LTBP1: variants seen among roughly 807,000 people sequenced by gnomAD.
LTBP1 encodes the protein latent transforming growth factor beta binding protein 1, also known as latent-transforming growth factor beta-binding protein 1.
LTBP1 carries 129 observed loss-of-function variants against 207.6 expected under a neutral mutation model. The observed-to-expected ratio is 0.62, with a 90% CI of 0.54 to 0.72. The LOEUF is 0.72. Ranked by LOEUF, LTBP1 falls within the 30% of genes least tolerant of loss-of-function variation. The probability of loss-of-function intolerance (pLI) is 0.00; values close to 1 mark genes in which losing one functional copy is unlikely to be tolerated. For missense variants in LTBP1, 2,281 were observed against 2,217.2 expected (o/e 1.03, Z -0.58); for synonymous variants, 963 against 833.7 (o/e 1.16, Z -2.67).
intron 24 of LTBP1, among the ~76,000 whole-genome samples, chr2:33,333,299 TTG>T (rs1181972797): frequency 6.6e-6 from 1 of 152,206 alleles, no homozygotes; most frequent in African/African-American, 2.4e-5. Flanking sequence ...AGTCTTCTAT[TTG>T]ATTTAATTCA....
chr2:33,336,180 G>A (rs1055202635), intron 24 of LTBP1, among the ~76,000 whole-genome samples: 1 of 152,236 alleles, frequency 6.6e-6, no homozygotes, highest in Non-Finnish European at 1.5e-5. Context: ...GCCAGTAGGT[G>A]ATGAGTCAAA....
intron 4 of LTBP1, among the ~76,000 whole-genome samples, chr2:33,129,290 A>G (rs2081617848): frequency 1.3e-5 from 2 of 152,180 alleles, no homozygotes; most frequent in Admixed American, 1.3e-4. Context: ...GGGATGCGGA[A>G]CACCCAGAAA....
intron 20 of LTBP1, among the ~76,000 whole-genome samples, chr2:33,294,575 A>AT (rs1181582118): frequency 0.051 from 6,359 of 124,742 alleles, 456 homozygotes; most frequent in Admixed American, 0.12. Context: ...ATTGGGTAAA[A>AT]TTTTTTTTTT....
At chr2:33,148,438 A>G (rs2083234810) in intron 5 of LTBP1, among the ~76,000 whole-genome samples, 1 of 152,200 alleles carries the variant, frequency 6.6e-6, no homozygotes, top group Admixed American at 6.5e-5. Context: ...ATGATACTTG[A>G]GAGTACTTTG....
chr2:33,307,396 A>G (rs2094115558), intron 22 of LTBP1, among the ~76,000 whole-genome samples: 2 of 152,368 alleles, frequency 1.3e-5, no homozygotes, highest in African/African-American at 4.8e-5. Context: ...AATGCTTATC[A>G]AAAGGTGAAT....
At chr2:33,201,166 A>G (rs896934301) in intron 7 of LTBP1, among the ~76,000 whole-genome samples, 34 of 152,298 alleles carry the variant, frequency 2.2e-4, no homozygotes, top group African/African-American at 7.2e-4. Flanking sequence ...TGCTATAAAG[A>G]CACATGCACA....
chr2:33,095,806 A>G (rs985625931), intron 3 of LTBP1, among the ~76,000 whole-genome samples: 1 of 152,158 alleles, frequency 6.6e-6, no homozygotes, highest in African/African-American at 2.4e-5. Flanking sequence ...TTGAAGATAG[A>G]TCAATATTAA....
At chr2:32,950,954 G>C (rs996597609) in intron 2 of LTBP1, among the ~76,000 whole-genome samples, 1 of 152,214 alleles carries the variant, frequency 6.6e-6, no homozygotes. Flanking sequence ...ATGGCTTCCT[G>C]CTTCTGCAGG....
intron 9 of LTBP1, 91 bp downstream of exon 9, chr2:33,222,242 C>A: frequency 1.2e-6 from 1 of 856,418 alleles, no homozygotes; most frequent in Non-Finnish European, 2.0e-6. Context: ...CTCATTCGCC[C>A]AGCCTGTCAC....
chr2:33,302,866 C>T (rs1259209961), intron 22 of LTBP1, among the ~76,000 whole-genome samples: 1 of 151,632 alleles, frequency 6.6e-6, no homozygotes, highest in Non-Finnish European at 1.5e-5. Flanking sequence ...AGGTCAAGAC[C>T]AGCCTGGCCA....
At position 33,273,641 on chromosome 2, in the gene LTBP1, T is replaced by C; in HGVS notation, c.2618-15T>C. On this transcript the variant is annotated splice_polypyrimidine_tract_variant and intron_variant, in intron 15 of 33. Transcript: ENST00000404816. ...TTCTGTGGGTTTTTTCACATTATTT[T>C]ATTTACTTTTAAAGAAATCAATGAA... 6.3e-7 allele frequency: 1 copy of C among 1,588,942 alleles called. No individual in the cohort carries two copies. Among genetic ancestry groups the C allele is most frequent in the African/African-American group, 1.4e-5 (1 of 73,896 alleles).
chr2:33,335,674 G>A lies in LTBP1; in HGVS notation c.3731-7164G>A, dbSNP rs190749559. On this transcript the variant is annotated intron_variant, in intron 24 of 33. Transcript: ENST00000404816. The stretch of plus-strand genomic sequence containing the variant: ...GTGAGAGAGACCTTAATCGCTTGTG[G>A]GCCAGCAGCCATGCCATTTTAAAAT... Among the ~76,000 whole-genome samples the A allele has an allele frequency of 8.5e-5, 13 of 152,204 alleles. No individual in the cohort carries two copies. In the East Asian group the frequency reaches 2.3e-3, roughly 27 times the overall value.
intron 2 of LTBP1, among the ~76,000 whole-genome samples, chr2:33,012,084 C>G (rs1275202718): frequency 2.0e-5 from 3 of 152,144 alleles, no homozygotes; most frequent in Non-Finnish European, 4.4e-5. Flanking sequence ...GTGGGGTCTC[C>G]CTGGCTGGGT....
intron 24 of LTBP1, among the ~76,000 whole-genome samples, chr2:33,326,278 ATTC>A (rs1456573287): frequency 6.6e-6 from 1 of 152,140 alleles, no homozygotes; most frequent in African/African-American, 2.4e-5. Flanking sequence ...CCGTTTCTCC[ATTC>A]ATGGAGTGGG....
chr2:32,989,810 T>C (rs1313929372), intron 2 of LTBP1, among the ~76,000 whole-genome samples: 1 of 152,240 alleles, frequency 6.6e-6, no homozygotes, highest in Non-Finnish European at 1.5e-5. Flanking sequence ...CTATATGACC[T>C]CTCTGTGCCT....
At chr2:33,251,093 G>A (rs1162641790) in intron 10 of LTBP1, among the ~76,000 whole-genome samples, 2 of 152,092 alleles carry the variant, frequency 1.3e-5, no homozygotes, top group South Asian at 2.1e-4. Flanking sequence ...CGCTGCCCTC[G>A]GGCCCAAAGA....
intron 4 of LTBP1, among the ~76,000 whole-genome samples, chr2:33,133,911 T>C (rs1054731441): frequency 6.6e-6 from 1 of 152,196 alleles, no homozygotes. Context: ...GATATACTTT[T>C]AGTCTAGGGC....
At chr2:33,290,566 C>G (rs1382640184) in intron 19 of LTBP1, among the ~76,000 whole-genome samples, 1 of 152,104 alleles carries the variant, frequency 6.6e-6, no homozygotes, top group Non-Finnish European at 1.5e-5. Flanking sequence ...GAAGCCAAGT[C>G]TTAGACAAAC....
At chr2:33,334,316 G>A (rs2094530591) in intron 24 of LTBP1, among the ~76,000 whole-genome samples, 1 of 152,274 alleles carries the variant, frequency 6.6e-6, no homozygotes, top group African/African-American at 2.4e-5. Flanking sequence ...AGGCCTCTAT[G>A]CCATTACCCA....
Sources: gnomAD v4.1 joint callset for allele counts (sites outside exome capture counted in the v4.1 genomes callset) on GRCh38, gnomAD v4.1.1 for gene constraint, MANE v1.5 for transcripts, NCBI Gene and HGNC (gene_info 2026-07-23, HGNC 2026-07-21) for gene names.